The following KCNIP4 variants were observed in gnomAD, a reference collection of about 807,000 sequenced individuals.
The protein encoded by KCNIP4 is Kv channel-interacting protein 4.
KCNIP4 carries 12 observed loss-of-function variants against 34.0 expected under a neutral mutation model. That is an observed-to-expected ratio of 0.35 (90% CI 0.23 to 0.57). KCNIP4 has a LOEUF of 0.57. KCNIP4 is among the 20% of genes least tolerant of loss of function. KCNIP4 has a pLI of 0.83. For missense variants in KCNIP4, 238 were observed against 311.7 expected (o/e 0.76, Z 1.78); for synonymous variants, 124 against 102.2 (o/e 1.21, Z -1.29).
intron 1 of KCNIP4, among the ~76,000 whole-genome samples, chr4:20,949,390 A>G (rs952960136): frequency 2.6e-5 from 4 of 152,208 alleles, no homozygotes; most frequent in Non-Finnish European, 5.9e-5. Context: ...AAGCTACATT[A>G]ATTGGATGAT....
chr4:21,306,898 C>A (rs1459133748), intron 1 of KCNIP4, among the ~76,000 whole-genome samples: 1 of 151,990 alleles, frequency 6.6e-6, no homozygotes, highest in Non-Finnish European at 1.5e-5. Context: ...TCTCGGCTCA[C>A]CGCAACCTCC....
intron 1 of KCNIP4, among the ~76,000 whole-genome samples, chr4:21,192,921 ACTACTACTACT>A (rs1560797337): frequency 0.012 from 1,692 of 143,122 alleles, 27 homozygotes; most frequent in African/African-American, 0.023. Context: ...CGTCTCTACT[ACTACTACTACT>A]ACTACTACTA....
At chr4:21,102,827 C>A (rs1748066376) in intron 1 of KCNIP4, among the ~76,000 whole-genome samples, 1 of 152,118 alleles carries the variant, frequency 6.6e-6, no homozygotes, top group Non-Finnish European at 1.5e-5. Flanking sequence ...ATGCAAAAGT[C>A]CCTCTGTGAC....
At chr4:20,764,302 T>C (rs575521591) in intron 3 of KCNIP4, among the ~76,000 whole-genome samples, 7 of 152,284 alleles carry the variant, frequency 4.6e-5, no homozygotes. Flanking sequence ...GACAAAATTA[T>C]AGCATTTTAT....
chr4:21,155,180 C>G (rs1056013830), intron 1 of KCNIP4, among the ~76,000 whole-genome samples: 1 of 152,094 alleles, frequency 6.6e-6, no homozygotes, highest in Non-Finnish European at 1.5e-5. Context: ...GGCATGCCAG[C>G]CCTATTTTGC....
At chr4:21,497,956 T>A (rs1349929174) in intron 1 of KCNIP4, among the ~76,000 whole-genome samples, 1 of 152,174 alleles carries the variant, frequency 6.6e-6, no homozygotes, top group African/African-American at 2.4e-5. Context: ...AAGATATCTG[T>A]CTTTATATCC....
Position 21,132,239 on chromosome 4 carries a change from A to C in KCNIP4, c.62-249530T>G, listed in dbSNP as rs57573951. Among the ~76,000 whole-genome samples, 568 of 152,334 alleles carry C rather than the reference A, an allele frequency of 3.7e-3. 4 individuals carry two copies. The highest frequency in any genetic ancestry group is 0.012 in the African/African-American group (518 of 41,578). On this transcript the variant is annotated intron_variant, in intron 1 of 8. Transcript: ENST00000382152. ...TATAAGAACAGCCTGTTTCTGTTTA[A>C]CTTGTTCTTCTATCACTTACTATTA...
intron 5 of KCNIP4, among the ~76,000 whole-genome samples, chr4:20,748,560 TTATATATA>T (rs3075750): frequency 0.14 from 9,203 of 63,486 alleles, 446 homozygotes; most frequent in East Asian, 0.29. Context: ...CTTCCAAATT[TTATATATA>T]TATATATATA....
chr4:21,337,045 G>A (rs1208458026), intron 1 of KCNIP4, among the ~76,000 whole-genome samples: 1 of 151,992 alleles, frequency 6.6e-6, no homozygotes, highest in East Asian at 1.9e-4. Context: ...GGAGAGGAAA[G>A]AGCATGGCAG....
chr4:20,894,429 TA>T (rs1383381080), intron 1 of KCNIP4, among the ~76,000 whole-genome samples: 3 of 152,226 alleles, frequency 2.0e-5, no homozygotes, highest in Non-Finnish European at 2.9e-5. Context: ...AGGTATTGTC[TA>T]GGCTACTCTG....
At chr4:21,150,524 A>G (rs924137199) in intron 1 of KCNIP4, among the ~76,000 whole-genome samples, 2 of 152,204 alleles carry the variant, frequency 1.3e-5, no homozygotes, top group African/African-American at 2.4e-5. Context: ...CCTGTCTTAG[A>G]GGAGGGAGTG....
In KCNIP4 at chr4:21,533,955, C is replaced by T. The variant is rs139618473; in HGVS notation, c.61+414616G>A. ...TTACAGAAACTGAAAAAGCCTAAAG[C>T]TACTTAAATGATGGTAACAGTAGGG... is the stretch of plus-strand genomic sequence containing the variant. On this transcript the variant is annotated intron_variant, in intron 1 of 8. Coordinates refer to ENST00000382152, the MANE Select transcript of KCNIP4 (RefSeq NM_025221.6). Among the ~76,000 whole-genome samples, 346 of 152,234 alleles carry T rather than the reference C, an allele frequency of 2.3e-3. 1 individual carries two copies. Among genetic ancestry groups the T allele is most frequent in the Admixed American group, 4.3e-3 (65 of 15,288 alleles).
At chr4:20,765,714 C>A (rs7686877) in intron 3 of KCNIP4, among the ~76,000 whole-genome samples, 35,535 of 152,052 alleles carry the variant, frequency 0.23, 5,154 homozygotes, top group African/African-American at 0.41. Context: ...CATTGCATTT[C>A]TTTCATTGCC....
At chr4:21,189,915 A>G (rs890709545) in intron 1 of KCNIP4, among the ~76,000 whole-genome samples, 1 of 152,202 alleles carries the variant, frequency 6.6e-6, no homozygotes, top group Non-Finnish European at 1.5e-5. Context: ...TCATCAAACC[A>G]TTGATGCATC....
At position 21,702,112 on chromosome 4, in the gene KCNIP4, C is replaced by A. The variant is rs1028675164; in HGVS notation, c.61+246459G>T. Among the ~76,000 whole-genome samples the A allele has an allele frequency of 1.1e-4, 16 of 152,250 alleles. No individual in the cohort carries two copies. The South Asian group carries it at 1.2e-3, about 12-fold the overall frequency. ...GGCTGCTACAACAAAATACCATAGT[C>A]TGGGTGGCTAAAACAACAGACATTA... On this transcript the variant is annotated intron_variant, in intron 1 of 8. Transcript: ENST00000382152.
intron 1 of KCNIP4, among the ~76,000 whole-genome samples, chr4:21,129,031 A>G (rs1750843983): frequency 6.6e-6 from 1 of 152,160 alleles, no homozygotes; most frequent in Non-Finnish European, 1.5e-5. Flanking sequence ...TTGAATTGTA[A>G]TAATTCCCAG....
intron 1 of KCNIP4, among the ~76,000 whole-genome samples, chr4:21,375,770 G>A (rs1348663481): frequency 6.6e-6 from 1 of 151,806 alleles, no homozygotes; most frequent in Non-Finnish European, 1.5e-5. Flanking sequence ...GGGTTTCACC[G>A]TGTTACCAGG....
rs1194820121 is a variant in KCNIP4 at position 20,850,597 on chromosome 4, G to A, written c.234C>T (p.Ala78=). The change falls in exon 3 of 9, where the codon GCC becomes GCT. Residue 78 remains alanine, a synonymous_variant. Coordinates refer to ENST00000382152, the MANE Select transcript of KCNIP4 (RefSeq NM_025221.6). ...GCTCTTTCTTGGTAAATTTGCTCTG[G>A]GCTTCCAGAAGCTCAAGGGCTTCAG... is the stretch of plus-strand genomic sequence containing the variant. ...HRPEALELLE[A]QSKFTKKELQ... is the part of the protein sequence containing the mutation. 1 of 1,612,786 alleles carries A rather than the reference G, an allele frequency of 6.2e-7. No homozygotes were observed. Among genetic ancestry groups the A allele is most frequent in the Non-Finnish European group, 8.5e-7 (1 of 1,179,696 alleles).
At chr4:21,201,291 G>A (rs1211225700) in intron 1 of KCNIP4, among the ~76,000 whole-genome samples, 1 of 152,164 alleles carries the variant, frequency 6.6e-6, no homozygotes, top group Non-Finnish European at 1.5e-5. Flanking sequence ...CAATCAAGAG[G>A]TTGACATGCT....
Sources: gnomAD v4.1 joint callset for allele counts (sites outside exome capture counted in the v4.1 genomes callset) on GRCh38, gnomAD v4.1.1 for gene constraint, MANE v1.5 for transcripts, NCBI Gene and HGNC (gene_info 2026-07-23, HGNC 2026-07-21) for gene names.